GMDS: variants seen among roughly 807,000 people sequenced by gnomAD.
GMDS encodes the protein GDP-mannose 4,6-dehydratase.
In GMDS, 20 loss-of-function variants were observed where a neutral mutation model predicts 49.9. The ratio of observed to expected loss-of-function variants is 0.40; its 90% CI spans 0.28 to 0.58. GMDS has a LOEUF of 0.58. Among genes scored for constraint, GMDS ranks in the 20% least tolerant of loss-of-function variants. The pLI is 0.42. For missense variants in GMDS, 362 were observed against 481.4 expected (o/e 0.75, Z 2.32); for synonymous variants, 177 against 178.6 (o/e 0.99, Z 0.07).
chr6:1,972,222 T>G (rs1764653061), intron 4 of GMDS, among the ~76,000 whole-genome samples: 1 of 151,354 alleles, frequency 6.6e-6, no homozygotes, highest in Non-Finnish European at 1.5e-5. Flanking sequence ...TTAGTTAAAA[T>G]TATTTAAAAC....
chr6:1,770,086 C>G (rs1481691696), intron 7 of GMDS, among the ~76,000 whole-genome samples: 1 of 152,202 alleles, frequency 6.6e-6, no homozygotes, highest in Non-Finnish European at 1.5e-5. Context: ...AATCTTACAA[C>G]ATTTTGGGGT....
At chr6:1,740,051 G>C (rs542697329) in intron 8 of GMDS, among the ~76,000 whole-genome samples, 16 of 152,136 alleles carry the variant, frequency 1.1e-4, no homozygotes, top group Non-Finnish European at 7.3e-5. Flanking sequence ...TGTCATGTTT[G>C]ATTCCTACAG....
chr6:2,004,528 A>C (rs1444653475), intron 4 of GMDS, among the ~76,000 whole-genome samples: 1 of 152,186 alleles, frequency 6.6e-6, no homozygotes, highest in African/African-American at 2.4e-5. Flanking sequence ...ATGATACCAG[A>C]TATTATACCA....
At chr6:1,907,087 T>C (rs1231788124) in intron 7 of GMDS, among the ~76,000 whole-genome samples, 1 of 152,200 alleles carries the variant, frequency 6.6e-6, no homozygotes, top group Admixed American at 6.5e-5. Flanking sequence ...CAGGCATATA[T>C]ATTTGTGTCT....
chr6:1,780,088 C>T (rs1260579602), intron 7 of GMDS, among the ~76,000 whole-genome samples: 8 of 152,196 alleles, frequency 5.3e-5, no homozygotes, highest in Admixed American at 3.3e-4. Flanking sequence ...GACGCCAAAT[C>T]GAAAAAGAGC....
chr6:1,923,626 C>T (rs535855714), intron 7 of GMDS, among the ~76,000 whole-genome samples: 5 of 152,228 alleles, frequency 3.3e-5, no homozygotes, highest in East Asian at 1.9e-4. Flanking sequence ...AGCCGGATCC[C>T]GCACTCGCTC....
chr6:1,783,768 GCTAT>G (rs1769203841), intron 7 of GMDS, among the ~76,000 whole-genome samples: 1 of 152,160 alleles, frequency 6.6e-6, no homozygotes, highest in South Asian at 2.1e-4. Context: ...GTAGGTATAA[GCTAT>G]CTGACAAGGA....
At chr6:1,718,521 G>C (rs1176155303) in intron 9 of GMDS, among the ~76,000 whole-genome samples, 2 of 152,028 alleles carry the variant, frequency 1.3e-5, no homozygotes, top group Admixed American at 1.3e-4. Flanking sequence ...ACCTGTCACT[G>C]TTTCTCTCGC....
intron 2 of GMDS, among the ~76,000 whole-genome samples, chr6:2,122,969 G>A (rs1294012024): frequency 6.6e-6 from 1 of 152,154 alleles, no homozygotes; most frequent in Non-Finnish European, 1.5e-5. Context: ...AATAAAATCT[G>A]CTCTTACAAT....
intron 7 of GMDS, among the ~76,000 whole-genome samples, chr6:1,829,442 T>C (rs1023922567): frequency 6.6e-6 from 1 of 152,224 alleles, no homozygotes; most frequent in Non-Finnish European, 1.5e-5. Context: ...GTTTTGTTTG[T>C]TTTGTTTCTG....
In GMDS at chr6:2,191,312, CG is replaced by C. The variant is rs1404491723; in HGVS notation, c.102+54008del. 6.6e-6 allele frequency among the ~76,000 whole-genome samples: 1 copy of C among 152,046 alleles called. No homozygotes were observed. The highest frequency in any genetic ancestry group is 1.5e-5 in the Non-Finnish European group (1 of 67,948). The stretch of plus-strand genomic sequence containing the variant: ...AGGCTGCCCCTGAGTGCGGGGGCCA[CG>C]GGGGAGCTCACAGTGATGTCCCTGG... On this transcript the variant is annotated intron_variant, in intron 1 of 10. Coordinates refer to ENST00000380815, the MANE Select transcript of GMDS (RefSeq NM_001500.4). The surrounding 1 kb of genome is among the most constrained non-coding windows in gnomAD (Gnocchi z 4.6).
Position 1,821,231 on chromosome 6 carries a change from T to C in GMDS, c.772-78645A>G, listed in dbSNP as rs188317168. 2.1e-3 allele frequency among the ~76,000 whole-genome samples: 317 copies of C among 152,286 alleles called. 7 individuals carry two copies. The highest frequency in any genetic ancestry group is 0.021 in the Admixed American group (315 of 15,292). ...TCTCTCGGCAAAAATGGAAAAACTC[T>C]CTTGCATTTCGGAAGTGAGTGGGTC... is the stretch of plus-strand genomic sequence containing the variant. On this transcript the variant is annotated intron_variant, in intron 7 of 10. Transcript: ENST00000380815.
chr6:1,925,480 G>A lies in GMDS; in HGVS notation c.771+4623C>T, dbSNP rs1761951111. Among the ~76,000 whole-genome samples the A allele has an allele frequency of 2.0e-5, 3 of 151,982 alleles. No homozygotes were observed. The South Asian group carries it at 6.2e-4, about 32-fold the overall frequency. ...GCACACTGATGCTAATTTTTTACAG[G>A]GTTTATATTCTGTCCTTTACACAGA... On this transcript the variant is annotated intron_variant, in intron 7 of 10. Transcript: ENST00000380815.
chr6:1,683,652 T>C (rs1463361831), intron 9 of GMDS, among the ~76,000 whole-genome samples: 1 of 152,160 alleles, frequency 6.6e-6, no homozygotes. Flanking sequence ...TACACGCATT[T>C]GGGGGAAAAA....
intron 9 of GMDS, among the ~76,000 whole-genome samples, chr6:1,700,205 A>T (rs1765496254): frequency 6.6e-6 from 1 of 152,142 alleles, no homozygotes; most frequent in South Asian, 2.1e-4. Flanking sequence ...CTTCTAATTT[A>T]TCTGTATATG....
rs1764920051 is a variant in GMDS at position 1,684,925 on chromosome 6, G to GT, written c.987+41490dup. Among the ~76,000 whole-genome samples the GT allele has an allele frequency of 2.0e-5, 3 of 151,932 alleles. No homozygotes were observed. In the South Asian group the frequency reaches 6.2e-4, roughly 32 times the overall value. On this transcript the variant is annotated intron_variant, in intron 9 of 10. Transcript: ENST00000380815. The stretch of plus-strand genomic sequence containing the variant: ...AGTTGCCATTTAGAATTATCAACCT[G>GT]TGCCTGCCACTGAAGCCACAATGAT...
chr6:2,172,629 T>C (rs1581747337), intron 1 of GMDS, among the ~76,000 whole-genome samples: 2 of 151,940 alleles, frequency 1.3e-5, no homozygotes, highest in East Asian at 1.9e-4. Context: ...GAGGCGGAGG[T>C]TGCAGTGAGC....
chr6:1,705,544 A>G (rs1765701937), intron 9 of GMDS, among the ~76,000 whole-genome samples: 2 of 152,246 alleles, frequency 1.3e-5, no homozygotes, highest in Non-Finnish European at 2.9e-5. Context: ...AAGTGATAAG[A>G]AGACAGACTA....
chr6:1,664,458 G>A (rs1239449142), intron 9 of GMDS, among the ~76,000 whole-genome samples: 2 of 152,206 alleles, frequency 1.3e-5, no homozygotes, highest in Non-Finnish European at 1.5e-5. Context: ...TCTCTTCAGA[G>A]GAGAGGAATT....
Sources: allele counts gnomAD v4.1 joint callset (sites outside exome capture counted in the v4.1 genomes callset), GRCh38; gene constraint gnomAD v4.1.1; non-coding constraint Gnocchi (gnomAD v3.1); transcripts MANE v1.5; gene names NCBI Gene and HGNC (gene_info 2026-07-23, HGNC 2026-07-21).